Variants in CD276 observed in about 807,000 individuals in gnomAD.
CD276 encodes CD276 antigen.
Under a neutral mutation model 50.0 loss-of-function variants are expected in CD276, and 34 were observed. That is an observed-to-expected ratio of 0.68 (90% CI 0.52 to 0.91). The LOEUF (loss-of-function observed/expected upper bound fraction) is 0.91, where lower values mean the gene tolerates loss of function less well. Among genes scored for constraint, CD276 ranks in the 40% least tolerant of loss-of-function variants. CD276 has a pLI of 0.00. For synonymous variants in CD276, 275 were observed against 313.0 expected (o/e 0.88, Z 1.28); for missense variants, 634 against 717.5 (o/e 0.88, Z 1.33).
intron 9 of CD276, chr15:73,711,628 C>T (rs1349368796): frequency 5.8e-6 from 1 of 171,748 alleles, no homozygotes; most frequent in African/African-American, 2.4e-5. Flanking sequence ...CGCTTACATT[C>T]CATTGGTCAG....
intron 7 of CD276, 136 bp downstream of exon 7, chr15:73,708,609 C>G: frequency 1.9e-6 from 2 of 1,035,230 alleles, no homozygotes; most frequent in Non-Finnish European, 2.8e-6. Flanking sequence ...CTGGATTTGT[C>G]TGTGTGTGAC....
intron 2 of CD276, among the ~76,000 whole-genome samples, chr15:73,701,594 G>C (rs920526256): frequency 6.6e-6 from 1 of 152,180 alleles, no homozygotes; most frequent in African/African-American, 2.4e-5. Flanking sequence ...CCTCTACGGG[G>C]TTCTCTGTAT....
Position 73,701,160 on chromosome 15 carries a change from C to T in CD276, c.80-1095C>T, listed in dbSNP as rs902214525. ...ATCCACCTGCCTCGGCCTCCCATGC[C>T]GGGCCTTTTCCCCTCACTTCTGACT... On this transcript the variant is annotated intron_variant, in intron 2 of 9. Coordinates refer to ENST00000318443, the MANE Select transcript of CD276 (RefSeq NM_001024736.2). 5.9e-5 allele frequency among the ~76,000 whole-genome samples: 9 copies of T among 151,668 alleles called. 1 individual carries two copies. In the South Asian group the frequency reaches 6.2e-4, roughly 11 times the overall value.
chr15:73,694,073 G>A (rs1318293695), intron 1 of CD276, among the ~76,000 whole-genome samples: 1 of 152,190 alleles, frequency 6.6e-6, no homozygotes, highest in African/African-American at 2.4e-5. Flanking sequence ...CTGCAGCTCA[G>A]TGTGTCTGGG....
chr15:73,712,839 C>A, intron 9 of CD276, 95 bp from the exon 10 acceptor site: 1 of 1,295,692 alleles, frequency 7.7e-7, no homozygotes, highest in Non-Finnish European at 1.1e-6. Flanking sequence ...GAAGTCTGAC[C>A]AGGTGCTTGG....
At position 73,702,275 on chromosome 15, in the gene CD276, C is replaced by T. The variant is rs1022188310; in HGVS notation, c.100C>T (p.Pro34Ser). Residue 34 changes from proline to serine, a missense_variant, in exon 3 of 10, where the codon CCT becomes TCT. By Grantham distance (74) the Pro-to-Ser change is moderately conservative (BLOSUM62 -1). Coordinates refer to ENST00000318443, the MANE Select transcript of CD276 (RefSeq NM_001024736.2). ...CLTGALEVQVPEDPVVALVGT... is the reference protein window; with the variant it reads ...CLTGALEVQVSEDPVVALVGT... ...CCCAGGAGCCCTGGAGGTCCAGGTC[C>T]CTGAAGACCCAGTGGTGGCACTGGT... 10 of 1,611,450 alleles carry T rather than the reference C, an allele frequency of 6.2e-6. No homozygotes were observed. The African/African-American group carries it at 1.1e-4, about 17-fold the overall frequency.
chr15:73,700,887 TCCTCC>T (rs1900353250), intron 2 of CD276, among the ~76,000 whole-genome samples: 1 of 25,932 alleles, frequency 3.9e-5, no homozygotes, highest in Non-Finnish European at 8.1e-5. Context: ...TCGCTTCCCC[TCCTCC>T]CCTCCTCCTC....
intron 9 of CD276, 67 bp downstream of exon 9, chr15:73,711,237 G>C (rs777913572): frequency 1.3e-6 from 2 of 1,548,828 alleles, no homozygotes; most frequent in Admixed American, 1.7e-5. Flanking sequence ...GGCTGAGAGG[G>C]TGGGTAGGCA....
chr15:73,689,241 C>T (rs1899893467), intron 1 of CD276, among the ~76,000 whole-genome samples: 1 of 143,140 alleles, frequency 7.0e-6, no homozygotes, highest in Non-Finnish European at 1.5e-5. Flanking sequence ...CACATTTCCA[C>T]ATGCATGTAT....
chr15:73,706,488 G>T (rs1023885874), intron 6 of CD276, among the ~76,000 whole-genome samples: 7 of 152,108 alleles, frequency 4.6e-5, no homozygotes, highest in African/African-American at 1.2e-4. Context: ...TCCTCCGTGG[G>T]TCTGTAGACC....
At chr15:73,710,125 C>G (rs1287757804) in intron 8 of CD276, among the ~76,000 whole-genome samples, 2 of 152,198 alleles carry the variant, frequency 1.3e-5, no homozygotes, top group African/African-American at 4.8e-5. Flanking sequence ...ATCACAGATT[C>G]ATAGGTTGTT....
rs766904389 is a variant in CD276, at chr15:73,702,266, G to A, written c.91G>A (p.Val31Ile). 32 of 1,609,762 alleles carry A rather than the reference G, an allele frequency of 2.0e-5. No homozygotes were observed. The highest frequency in any genetic ancestry group is 2.5e-5 in the Non-Finnish European group (30 of 1,178,200). The change falls in exon 3 of 10, where the codon GTC (valine) becomes ATC (isoleucine). Residue 31 changes from valine to isoleucine, a missense_variant. Val to Ile is a conservative substitution (Grantham distance 29, BLOSUM62 3). Coordinates refer to ENST00000318443, the MANE Select transcript of CD276 (RefSeq NM_001024736.2). ...CCCCCTACCCCCAGGAGCCCTGGAG[G>A]TCCAGGTCCCTGAAGACCCAGTGGT... ...LWFCLTGALE[V>I]QVPEDPVVAL... is the part of the protein sequence containing the mutation.
intron 1 of CD276, among the ~76,000 whole-genome samples, chr15:73,696,971 C>A (rs1483139721): frequency 6.6e-6 from 1 of 151,900 alleles, no homozygotes; most frequent in African/African-American, 2.4e-5. Flanking sequence ...AGGGAGGCGG[C>A]CCAGGAAGAA....
rs756693911 is a variant in CD276, at chr15:73,703,805, G to A, written c.880G>A (p.Val294Met). 1 of 1,613,582 alleles carries A rather than the reference G, an allele frequency of 6.2e-7. No homozygotes were observed. The highest frequency in any genetic ancestry group is 1.7e-5 in the Admixed American group (1 of 60,010). Residue 294 changes from valine to methionine, a missense_variant, in exon 5 of 10, where the codon GTG becomes ATG. Coordinates refer to ENST00000318443, the MANE Select transcript of CD276 (RefSeq NM_001024736.2). ...IWQLTDTKQL[V>M]HSFTEGRDQG... ...GCAGCTGACAGACACCAAACAGCTG[G>A]TGCACAGTTTCACCGAAGGCCGGGA...
chr15:73,692,741 C>T (rs1276582120), intron 1 of CD276, among the ~76,000 whole-genome samples: 1 of 152,186 alleles, frequency 6.6e-6, no homozygotes, highest in Non-Finnish European at 1.5e-5. Context: ...TGGCCAATGC[C>T]TGGCATGTGG....
chr15:73,706,906 G>C (rs770443970), intron 6 of CD276, among the ~76,000 whole-genome samples: 1 of 152,128 alleles, frequency 6.6e-6, no homozygotes, highest in Non-Finnish European at 1.5e-5. Flanking sequence ...TATTTCCATG[G>C]CTCTGCCCCC....
At chr15:73,699,512 C>T (rs940233119) in intron 1 of CD276, 74 bp from the exon 2 acceptor site, 1 of 1,526,804 alleles carries the variant, frequency 6.5e-7, no homozygotes, top group African/African-American at 1.4e-5. Flanking sequence ...CCACTCTGGT[C>T]CAGGAGAGAT....
intron 1 of CD276, chr15:73,690,626 C>A (rs1295778423): frequency 2.2e-6 from 1 of 452,078 alleles, no homozygotes; most frequent in Non-Finnish European, 4.5e-6. Flanking sequence ...TATCAGGAGC[C>A]CACTTTTCCT....
chr15:73,697,292 G>T (rs1363708188), intron 1 of CD276, among the ~76,000 whole-genome samples: 1 of 152,152 alleles, frequency 6.6e-6, no homozygotes, highest in Middle Eastern at 3.4e-3. Context: ...GGAGAGAAGG[G>T]GGGCTGGCCA....
Sources: gnomAD v4.1 joint callset for allele counts (sites outside exome capture counted in the v4.1 genomes callset) on GRCh38, gnomAD v4.1.1 for gene constraint, MANE v1.5 for transcripts, NCBI Gene and HGNC (gene_info 2026-07-23, HGNC 2026-07-21) for gene names.